The following ZMYM1 variants were observed in gnomAD, a reference collection of about 807,000 sequenced individuals.
ZMYM1 encodes zinc finger MYM-type containing 1.
A neutral mutation model predicts 60.0 loss-of-function variants in ZMYM1; 39 were observed. The observed-to-expected ratio is 0.65, with a 90% CI of 0.50 to 0.85. The LOEUF is 0.85. Among genes scored for constraint, ZMYM1 ranks in the 40% least tolerant of loss-of-function variants. ZMYM1 has a pLI of 0.00. For missense variants in ZMYM1, 1,171 were observed against 1,309.5 expected (o/e 0.89, Z 1.63); for synonymous variants, 413 against 454.0 (o/e 0.91, Z 1.15).
intron 6 of ZMYM1, among the ~76,000 whole-genome samples, chr1:35,109,960 C>G (rs1484144375): frequency 3.9e-5 from 6 of 152,158 alleles, no homozygotes; most frequent in African/African-American, 1.4e-4. Flanking sequence ...GTTGGCCAGG[C>G]TGGTCTCGAA....
rs1483917206 is a variant in ZMYM1, at chr1:35,094,066, G to A, written c.79G>A (p.Glu27Lys). Residue 27 changes from glutamate to lysine, a missense_variant, in exon 2 of 10, where the codon GAA becomes AAA. Glu to Lys is a moderately conservative substitution (Grantham distance 56, BLOSUM62 1). Coordinates refer to ENST00000359858, the MANE Select transcript of ZMYM1 (RefSeq NM_024772.5). ...GGGGCTGCTAGATGAAATTAAGACA[G>A]AACCCGACAATGCTCAAGTAAATAT... is the stretch of plus-strand genomic sequence containing the variant. The part of the protein sequence containing the change: ...QLGLLDEIKT[E>K]PDNAQEYCHR... 6.2e-7 allele frequency: 1 copy of A among 1,609,504 alleles called. No individual in the cohort carries two copies. Among genetic ancestry groups the A allele is most frequent in the African/African-American group, 1.3e-5 (1 of 74,832 alleles).
At chr1:35,095,249 C>A (rs1411357066) in intron 2 of ZMYM1, among the ~76,000 whole-genome samples, 1 of 151,758 alleles carries the variant, frequency 6.6e-6, no homozygotes, top group Non-Finnish European at 1.5e-5. Context: ...GTGGCTCATT[C>A]CTGTAATCCC....
At chr1:35,107,838 G>T (rs935128791) in intron 6 of ZMYM1, among the ~76,000 whole-genome samples, 1 of 152,084 alleles carries the variant, frequency 6.6e-6, no homozygotes, top group Non-Finnish European at 1.5e-5. Context: ...GGCCAGGTGC[G>T]GTGGCTCACG....
intron 7 of ZMYM1, among the ~76,000 whole-genome samples, chr1:35,111,384 C>A (rs1048539272): frequency 3.9e-5 from 6 of 152,162 alleles, no homozygotes; most frequent in Non-Finnish European, 8.8e-5. Context: ...CCTAGCGCTC[C>A]ATTGATGTTA....
At position 35,097,374 on chromosome 1, in the gene ZMYM1, T is replaced by C; in HGVS notation, c.227T>C (p.Met76Thr). The part of the protein sequence containing the change: ...LSLASSGVNK[M>T]LPSVSTTAIQ... ...CTGGCATCATCTGGCGTGAATAAAA[T>C]GCTTCCTTCAGTTTCAACCACAGCT... The change falls in exon 4 of 10, where the codon ATG becomes ACG. Residue 76 changes from methionine (M) to threonine (T), a missense_variant. Coordinates refer to ENST00000359858, the MANE Select transcript of ZMYM1 (RefSeq NM_024772.5). The C allele has an allele frequency of 6.2e-7, 1 of 1,614,090 alleles. No homozygotes were observed. The highest frequency in any genetic ancestry group is 1.3e-5 in the African/African-American group (1 of 75,028).
chr1:35,097,274 G>T, intron 3 of ZMYM1, 43 bp from the exon 4 acceptor site: 1 of 1,541,120 alleles, frequency 6.5e-7, no homozygotes, highest in South Asian at 1.3e-5. Context: ...ACTTAATTTT[G>T]TGTAAATAAC....
In ZMYM1 at chr1:35,112,109, A is replaced by G. The variant is rs1644108254; in HGVS notation, c.1125A>G (p.Ala375=). The change falls in exon 9 of 10, where the codon GCA becomes GCG. Residue 375 remains alanine, a synonymous_variant. Transcript: ENST00000359858. ...CAGATACAGTTTCTTCAGTAACAGC[A>G]ACAGCAGATGTCATTGTGGATGTAA... is the stretch of plus-strand genomic sequence containing the variant. The part of the protein sequence containing the change: ...VLQDTVSSVT[A]TADVIVDLSK... The G allele has an allele frequency of 3.7e-6, 6 of 1,613,652 alleles. No homozygotes were observed. The highest frequency in any genetic ancestry group is 4.2e-6 in the Non-Finnish European group (5 of 1,179,778).
At chr1:35,096,780 G>C (rs1253640604) in intron 3 of ZMYM1, among the ~76,000 whole-genome samples, 1 of 152,048 alleles carries the variant, frequency 6.6e-6, no homozygotes, top group African/African-American at 2.4e-5. Context: ...CCTCACTGCA[G>C]CCTCCACCTC....
chr1:35,091,383 T>A (rs1203390662), intron 1 of ZMYM1, among the ~76,000 whole-genome samples: 1 of 152,044 alleles, frequency 6.6e-6, no homozygotes, highest in East Asian at 1.9e-4. Flanking sequence ...GGCTAATCTT[T>A]TTTGTATTTT....
intron 1 of ZMYM1, among the ~76,000 whole-genome samples, chr1:35,092,551 T>G (rs1269296469): frequency 6.6e-6 from 1 of 151,022 alleles, no homozygotes; most frequent in Non-Finnish European, 1.5e-5. Context: ...AACAGGTCTT[T>G]TCTTTTCTTT....
At chr1:35,063,830 G>C (rs1641918895) in intron 1 of ZMYM1, among the ~76,000 whole-genome samples, 1 of 152,200 alleles carries the variant, frequency 6.6e-6, no homozygotes, top group African/African-American at 2.4e-5. Flanking sequence ...TATCAGGAAA[G>C]AAATATAGGA....
chr1:35,070,268 A>C (rs148866372), intron 1 of ZMYM1, among the ~76,000 whole-genome samples: 13 of 152,186 alleles, frequency 8.5e-5, no homozygotes, highest in African/African-American at 3.1e-4. Context: ...TTCTTTCACT[A>C]ATGTTTTATG....
At chr1:35,103,797 A>G (rs1426027565) in intron 4 of ZMYM1, among the ~76,000 whole-genome samples, 2 of 151,874 alleles carry the variant, frequency 1.3e-5, no homozygotes, top group African/African-American at 4.8e-5. Flanking sequence ...GATCTTGGGG[A>G]CTCCCCCAGG....
intron 1 of ZMYM1, among the ~76,000 whole-genome samples, chr1:35,087,583 C>A (rs1478801849): frequency 6.6e-6 from 1 of 152,076 alleles, no homozygotes; most frequent in African/African-American, 2.4e-5. Context: ...TGCCCCACCA[C>A]GCTCGGCTAA....
chr1:35,113,663 C>T lies in ZMYM1; in HGVS notation c.1833C>T (p.Phe611=), dbSNP rs1221116339. ...TFRLMNSQVD[F]YNSTQIQSDI... is the part of the protein sequence containing the mutation. ...GACTTATGAATTCACAAGTTGACTT[C>T]TATAACAGTACACAAATTCAAAGTG... Residue 611 remains phenylalanine, a synonymous_variant, in exon 10 of 10, where the codon TTC becomes TTT. Transcript: ENST00000359858. The T allele has an allele frequency of 1.2e-6, 2 of 1,613,400 alleles. No homozygotes were observed. Among genetic ancestry groups the T allele is most frequent in the Admixed American group, 1.7e-5 (1 of 59,948 alleles).
chr1:35,106,735 A>G (rs549564263), intron 6 of ZMYM1, among the ~76,000 whole-genome samples: 1 of 152,234 alleles, frequency 6.6e-6, no homozygotes, highest in Non-Finnish European at 1.5e-5. Flanking sequence ...CCTTGGGACC[A>G]GAACGGAAAG....
rs79168234 is a variant in ZMYM1 at position 35,100,242 on chromosome 1, G to T, written c.419+2676G>T. ...CTTTTATAGGAATGATTTAATATCT[G>T]TTTTGAGTCAATGCACTTTTTATTC... On this transcript the variant is annotated intron_variant, in intron 4 of 9. Coordinates refer to ENST00000359858, the MANE Select transcript of ZMYM1 (RefSeq NM_024772.5). Among the ~76,000 whole-genome samples the T allele has an allele frequency of 3.9e-3, 594 of 152,152 alleles. 23 individuals carry two copies. The East Asian group carries it at 0.098, about 25-fold the overall frequency.
At chr1:35,088,580 T>C (rs1358404566) in intron 1 of ZMYM1, among the ~76,000 whole-genome samples, 1 of 150,212 alleles carries the variant, frequency 6.7e-6, no homozygotes, top group East Asian at 1.9e-4. Flanking sequence ...ATTCATCCTT[T>C]GACTATTAAT....
chr1:35,089,738 C>CTTTTTTTTTTTTTTTTTTTTTTTTT lies in ZMYM1; in HGVS notation c.-74-4175_-74-4151dup, dbSNP rs71029065. Among the ~76,000 whole-genome samples the CTTTTTTTTTTTTTTTTTTTTTTTTT allele has an allele frequency of 6.6e-5, 4 of 60,992 alleles. 2 individuals carry two copies. Among genetic ancestry groups the CTTTTTTTTTTTTTTTTTTTTTTTTT allele is most frequent in the South Asian group, 1.8e-3 (2 of 1,138 alleles). 40.0% of individuals were successfully genotyped at this position (60,992 alleles called of 152,430 possible). A position where few individuals can be genotyped will look rare whatever the true frequency, so the allele number is the denominator to read the frequency against. ...CCCTCCATAATGATTAGTTGTAAGGCTTTTTTTTTTTTTTTTTTTTTTTTT... is the reference window on the plus strand; with the variant it reads ...CCCTCCATAATGATTAGTTGTAAGGCTTTTTTTTTTTTTTTTTTTTTTTTTTTTTTTTTTTTTTTTTTTTTTTTTT... On this transcript the variant is annotated intron_variant, in intron 1 of 9. Coordinates refer to ENST00000359858, the MANE Select transcript of ZMYM1 (RefSeq NM_024772.5).
Sources: allele counts gnomAD v4.1 joint callset (sites outside exome capture counted in the v4.1 genomes callset), GRCh38; gene constraint gnomAD v4.1.1; transcripts MANE v1.5; gene names NCBI Gene and HGNC (gene_info 2026-07-23, HGNC 2026-07-21).